The following SV2C variants were observed in gnomAD, a reference collection of about 807,000 sequenced individuals.
The protein encoded by SV2C is synaptic vesicle glycoprotein 2C, also known as solute carrier family 22 member B3.
Under a neutral mutation model 79.7 loss-of-function variants are expected in SV2C, and 49 were observed. That is an observed-to-expected ratio of 0.61 (90% confidence interval 0.49 to 0.78). The LOEUF is 0.78. SV2C is among the 30% of genes least tolerant of loss of function. The pLI is 0.00. For missense variants in SV2C, 833 were observed against 912.9 expected (o/e 0.91, Z 1.13); for synonymous variants, 334 against 333.2 (o/e 1.00, Z -0.03).
At chr5:76,188,635 C>T (rs1743996093) in intron 2 of SV2C, among the ~76,000 whole-genome samples, 1 of 152,228 alleles carries the variant, frequency 6.6e-6, no homozygotes, top group Non-Finnish European at 1.5e-5. Flanking sequence ...AATGGATTCA[C>T]TTCTCAGCAC....
At chr5:76,120,389 T>C (rs143006379) in intron 1 of SV2C, among the ~76,000 whole-genome samples, 331 of 151,692 alleles carry the variant, frequency 2.2e-3, no homozygotes, top group African/African-American at 7.7e-3. Context: ...TATTATACTT[T>C]AAGTTTTAGG....
the SV2C span, among the ~76,000 whole-genome samples, chr5:75,972,581 C>T: frequency 6.6e-6 from 1 of 152,132 alleles, no homozygotes; most frequent in Non-Finnish European, 1.5e-5. Context: ...AAAAAATGCT[C>T]ACCATCACTG....
At chr5:76,065,865 A>C in the SV2C span, among the ~76,000 whole-genome samples, 1 of 152,132 alleles carries the variant, frequency 6.6e-6, no homozygotes, top group South Asian at 2.1e-4. Flanking sequence ...CTTTGCGGGC[A>C]ATGTTTCCTT....
At chr5:75,903,760 T>G in the SV2C span, among the ~76,000 whole-genome samples, 37 of 152,340 alleles carry the variant, frequency 2.4e-4, no homozygotes, top group African/African-American at 8.7e-4. Context: ...AGCATTTCTT[T>G]TAGACTTCAA....
intron 4 of SV2C, among the ~76,000 whole-genome samples, chr5:76,263,147 A>C (rs546659779): frequency 6.6e-6 from 1 of 152,182 alleles, no homozygotes; most frequent in African/African-American, 2.4e-5. Context: ...TAGGATAGTT[A>C]GCTCTTCTTG....
At chr5:76,237,944 GC>G (rs1745658862) in intron 4 of SV2C, among the ~76,000 whole-genome samples, 1 of 149,992 alleles carries the variant, frequency 6.7e-6, no homozygotes, top group African/African-American at 2.4e-5. Context: ...TAATTTGAAG[GC>G]TTATGGCCCT....
chr5:76,078,005 A>T, the SV2C span, among the ~76,000 whole-genome samples: 2 of 152,246 alleles, frequency 1.3e-5, no homozygotes, highest in Non-Finnish European at 2.9e-5. Flanking sequence ...TCAGGAAGTG[A>T]CATCAACTTA....
the SV2C span, among the ~76,000 whole-genome samples, chr5:75,901,302 C>A: frequency 6.6e-6 from 1 of 152,192 alleles, no homozygotes; most frequent in Non-Finnish European, 1.5e-5. Flanking sequence ...TTCCTTCTAA[C>A]AGACAGGACC....
At chr5:76,121,716 C>T (rs1748503026) in intron 1 of SV2C, among the ~76,000 whole-genome samples, 2 of 151,946 alleles carry the variant, frequency 1.3e-5, no homozygotes, top group Non-Finnish European at 2.9e-5. Context: ...CTGCTCTGTT[C>T]CATTGATCTA....
At chr5:75,856,634 T>A in the SV2C span, among the ~76,000 whole-genome samples, 1 of 152,204 alleles carries the variant, frequency 6.6e-6, no homozygotes, top group Non-Finnish European at 1.5e-5. Context: ...ATTTTAAAAA[T>A]CGGATTATTA....
chr5:75,959,104 G>A, the SV2C span, among the ~76,000 whole-genome samples: 1 of 151,888 alleles, frequency 6.6e-6, no homozygotes, highest in East Asian at 1.9e-4. Context: ...TATTAAGCAA[G>A]TGTTCTTTGC....
the SV2C span, among the ~76,000 whole-genome samples, chr5:75,982,774 T>C: frequency 2.0e-5 from 3 of 152,216 alleles, no homozygotes; most frequent in Non-Finnish European, 4.4e-5. Flanking sequence ...CCTGGAATAC[T>C]ATGCAGTCAT....
the SV2C span, among the ~76,000 whole-genome samples, chr5:76,008,038 G>A: frequency 6.6e-6 from 1 of 152,110 alleles, no homozygotes; most frequent in Non-Finnish European, 1.5e-5. Context: ...TTCCGTGAGG[G>A]TGTAGGCAAG....
chr5:76,281,259 A>G, intron 4 of SV2C: 2 of 514,152 alleles, frequency 3.9e-6, no homozygotes, highest in South Asian at 3.0e-5. Flanking sequence ...TCTGATGAAG[A>G]TGACGATTAT....
chr5:76,059,637 C>T, the SV2C span, among the ~76,000 whole-genome samples: 2 of 152,046 alleles, frequency 1.3e-5, no homozygotes, highest in Admixed American at 6.6e-5. Context: ...TTACTTCCTC[C>T]ATTGAAGTCT....
the SV2C span, among the ~76,000 whole-genome samples, chr5:76,009,406 C>T: frequency 1.3e-5 from 2 of 152,196 alleles, no homozygotes; most frequent in African/African-American, 4.8e-5. Context: ...AATCCCATTA[C>T]TGGGTATATA....
intron 12 of SV2C, among the ~76,000 whole-genome samples, chr5:76,350,789 G>A (rs879816872): frequency 6.6e-6 from 1 of 152,198 alleles, no homozygotes; most frequent in Non-Finnish European, 1.5e-5. Flanking sequence ...GCCGAGGAAG[G>A]TGGATCATGT....
In SV2C at chr5:76,270,590, G is replaced by T. The variant is rs1365181046; in HGVS notation, c.914-14572G>T. On this transcript the variant is annotated intron_variant, in intron 4 of 12. Coordinates refer to ENST00000502798, the MANE Select transcript of SV2C (RefSeq NM_014979.4). ...TTTTGAAACAAGGTAATACAAAATG[G>T]CAGCTATGACACTACAGAATAGCTT... is the stretch of plus-strand genomic sequence containing the variant. Among the ~76,000 whole-genome samples, 5 of 152,138 alleles carry T rather than the reference G, an allele frequency of 3.3e-5. No individual in the cohort carries two copies. In the East Asian group the frequency reaches 9.6e-4, roughly 29 times the overall value.
chr5:76,116,758 G>C (rs561110541), intron 1 of SV2C, among the ~76,000 whole-genome samples: 1 of 152,314 alleles, frequency 6.6e-6, no homozygotes, highest in East Asian at 1.9e-4. Context: ...GCATACGACA[G>C]TGTTGTAGCT....
Sources: allele counts gnomAD v4.1 joint callset (sites outside exome capture counted in the v4.1 genomes callset), GRCh38; gene constraint gnomAD v4.1.1; transcripts MANE v1.5; gene names NCBI Gene and HGNC (gene_info 2026-07-23, HGNC 2026-07-21).